MEX3B: variants seen among roughly 807,000 people sequenced by gnomAD.
MEX3B encodes the protein RNA-binding protein MEX3B.
Under a neutral mutation model 12.2 loss-of-function variants are expected in MEX3B, and 10 were observed. That is an observed-to-expected ratio of 0.82 (90% CI 0.51 to 1.40). The LOEUF (loss-of-function observed/expected upper bound fraction) is 1.40, where lower values mean the gene tolerates loss of function less well. Among genes scored for constraint, MEX3B ranks in the 40% most tolerant of loss-of-function variants. The pLI, the probability that MEX3B is intolerant of heterozygous loss-of-function variation, is 0.00. For missense variants in MEX3B, 839 were observed against 801.4 expected (o/e 1.05, Z -0.57); for synonymous variants, 498 against 356.3 (o/e 1.40, Z -4.48).
At chr15:82,045,008 G>T in intron 1 of MEX3B, 1 of 586,500 alleles carries the variant, frequency 1.7e-6, no homozygotes, top group South Asian at 2.1e-5. Flanking sequence ...TGGTCGACTG[G>T]GGGTAGGGGG....
chr15:82,045,099 C>T, intron 1 of MEX3B: 4 of 600,346 alleles, frequency 6.7e-6, no homozygotes, highest in Non-Finnish European at 1.2e-5. Context: ...TCCTCCCATC[C>T]TATGCTCACT....
Position 82,043,413 on chromosome 15 carries a change from T to C in MEX3B, c.1457A>G (p.Gln486Arg). Residue 486 changes from glutamine (Q) to arginine (R), a missense_variant, in exon 2 of 2, where the codon CAG becomes CGG. By Grantham distance (43) the Gln-to-Arg change is conservative (BLOSUM62 1). Coordinates refer to ENST00000329713, the MANE Select transcript of MEX3B (RefSeq NM_032246.6). ...GGAGGAGCCCGACGTGTCCGACGGC[T>C]GCAAGCCAGGCAGCTGTGCCCCCAG... ...NGLGAQLPGL[Q>R]PSDTSGSSSS... 6.3e-7 allele frequency: 1 copy of C among 1,576,630 alleles called. No homozygotes were observed. The highest frequency in any genetic ancestry group is 8.6e-7 in the Non-Finnish European group (1 of 1,161,290).
rs1338981371 is a variant in MEX3B at position 82,044,972 on chromosome 15, C to G, written c.257-359G>C. 2 of 578,338 alleles carry G rather than the reference C, an allele frequency of 3.5e-6. No homozygotes were observed. Among genetic ancestry groups the G allele is most frequent in the Non-Finnish European group, 6.1e-6 (2 of 325,678 alleles). 35.8% of individuals were successfully genotyped at this position (578,338 alleles called of 1,614,324 possible). ...ACACGGGGAAGGGGCTCGGGGAAGG[C>G]AGCTGAAGTCGCGATGCCTCAGCGC... On this transcript the variant is annotated intron_variant, in intron 1 of 1. Coordinates refer to ENST00000329713, the MANE Select transcript of MEX3B (RefSeq NM_032246.6). The surrounding 1 kb of genome is among the most constrained non-coding windows in gnomAD (Gnocchi z 5.3).
chr15:82,043,066 G>C lies in MEX3B; in HGVS notation c.*94C>G. ...GCCGGGAAGGAGAAGGGAGAGGGGGGGCACCCAGGGAGGCAGGCGAGCGCT... is the reference window on the plus strand; with the variant it reads ...GCCGGGAAGGAGAAGGGAGAGGGGGCGCACCCAGGGAGGCAGGCGAGCGCT... On this transcript the variant is annotated 3_prime_UTR_variant, in exon 2 of 2. Coordinates refer to ENST00000329713, the MANE Select transcript of MEX3B (RefSeq NM_032246.6). 8.6e-7 allele frequency: 1 copy of C among 1,157,294 alleles called. No homozygotes were observed. The highest frequency in any genetic ancestry group is 2.9e-5 in the East Asian group (1 of 34,254). 71.7% of individuals were successfully genotyped at this position (1,157,294 alleles called of 1,614,324 possible).
chr15:82,043,143 A>G lies in MEX3B; in HGVS notation c.*17T>C. ...CCCTTCCCCCAGCACGGTGCGCACT[A>G]GCAGCGCCCGCTGCCTTTAAGAAAA... is the stretch of plus-strand genomic sequence containing the variant. On this transcript the variant is annotated 3_prime_UTR_variant, in exon 2 of 2. Transcript: ENST00000329713. 6.6e-7 allele frequency: 1 copy of G among 1,518,814 alleles called. No individual in the cohort carries two copies. Among genetic ancestry groups the G allele is most frequent in the Middle Eastern group, 1.9e-4 (1 of 5,334 alleles). 94.1% of individuals were successfully genotyped at this position (1,518,814 alleles called of 1,614,324 possible). A position where few individuals can be genotyped will look rare whatever the true frequency, so the allele number is the denominator to read the frequency against.
rs2073244542 is a variant in MEX3B, at chr15:82,044,581, T to C, written c.289A>G (p.Asn97Asp). The change falls in exon 2 of 2, where the codon AAT (asparagine) becomes GAT (aspartate). Residue 97 changes from asparagine (N) to aspartate (D), a missense_variant. Asn to Asp is a conservative substitution (Grantham distance 23). Coordinates refer to ENST00000329713, the MANE Select transcript of MEX3B (RefSeq NM_032246.6). The surrounding 1 kb of genome is among the most constrained non-coding windows in gnomAD (Gnocchi z 5.3). ...CKIKALRAKT[N>D]TYIKTPVRGE... Reference sequence around the variant, plus strand: ...CGAACTGGGGTCTTGATGTAAGTATTGGTCTTCGCCCGCAGCGCTTTGATT... The same window carrying C: ...CGAACTGGGGTCTTGATGTAAGTATCGGTCTTCGCCCGCAGCGCTTTGATT... 6.2e-7 allele frequency: 1 copy of C among 1,614,172 alleles called. No individual in the cohort carries two copies. Among genetic ancestry groups the C allele is most frequent in the Non-Finnish European group, 8.5e-7 (1 of 1,180,026 alleles).
rs2073240662 is a variant in MEX3B at position 82,044,105 on chromosome 15, C to T, written c.765G>A (p.Gly255=). Residue 255 remains glycine, a synonymous_variant, in exon 2 of 2, where the codon GGG becomes GGA. Coordinates refer to ENST00000329713, the MANE Select transcript of MEX3B (RefSeq NM_032246.6). The surrounding 1 kb of genome is among the most constrained non-coding windows in gnomAD (Gnocchi z 5.3). ...GTDVGFDLHH[G]SGGSGPGSLW... The stretch of plus-strand genomic sequence containing the variant: ...GGCTGCCTGGGCCGGACCCGCCGGA[C>T]CCATGATGCAGATCGAAGCCCACAT... 1 of 1,612,860 alleles carries T rather than the reference C, an allele frequency of 6.2e-7. No homozygotes were observed. The highest frequency in any genetic ancestry group is 1.3e-5 in the African/African-American group (1 of 75,036).
At position 82,043,562 on chromosome 15, in the gene MEX3B, G is replaced by A. The variant is rs763183747; in HGVS notation, c.1308C>T (p.Thr436=). The A allele has an allele frequency of 5.8e-6, 9 of 1,545,606 alleles. No homozygotes were observed. The East Asian group carries it at 1.2e-4, about 20-fold the overall frequency. ...LLVHRRLHPG[T]SCPRLSPPLH... ...AGGGTGGAGACAGGCGCGGGCAGCT[G>A]GTGCCAGGGTGCAGCCGGCGGTGCA... The change falls in exon 2 of 2, where the codon ACC becomes ACT. Residue 436 remains threonine (T), a synonymous_variant. Transcript: ENST00000329713.
chr15:82,043,730 G>T lies in MEX3B; in HGVS notation c.1140C>A (p.Phe380Leu). 2 of 1,576,662 alleles carry T rather than the reference G, an allele frequency of 1.3e-6. No individual in the cohort carries two copies. Among genetic ancestry groups the T allele is most frequent in the Non-Finnish European group, 1.7e-6 (2 of 1,163,772 alleles). ...PPGAPLIWAQ[F>L]ERSPGGGPAA... ...CAGGTCCGCCTCCCGGGGACCGCTC[G>T]AACTGGGCCCAGATAAGTGGTGCCC... Residue 380 changes from phenylalanine (F) to leucine (L), a missense_variant, in exon 2 of 2, where the codon TTC becomes TTA. Coordinates refer to ENST00000329713, the MANE Select transcript of MEX3B (RefSeq NM_032246.6).
At position 82,044,042 on chromosome 15, in the gene MEX3B, G is replaced by A; in HGVS notation, c.828C>T (p.Pro276=). ...GGTAGCTAGAGAAAGGCTTGCGGCC[G>A]GGGGTGGGCGTGATGCTGGGGGTGG... ...SKPTPSITPT[P]GRKPFSSYRN... The change falls in exon 2 of 2, where the codon CCC becomes CCT. Residue 276 remains proline (P), a synonymous_variant. Transcript: ENST00000329713. This position sits in a 1 kb window ranked among gnomAD's most constrained non-coding sequence, Gnocchi z 5.3. The A allele has an allele frequency of 3.1e-6, 5 of 1,606,678 alleles. No homozygotes were observed. The highest frequency in any genetic ancestry group is 1.3e-5 in the African/African-American group (1 of 75,010).
At position 82,044,641 on chromosome 15, in the gene MEX3B, T is replaced by C. The variant is rs139503850; in HGVS notation, c.257-28A>G. ...ACGAACCAGGGTGCGGAGGAGGGAG[T>C]GGGAGAGAGAGACAGACACGCCCAT... On this transcript the variant is annotated intron_variant, in intron 1 of 1. Transcript: ENST00000329713. The surrounding 1 kb of genome is among the most constrained non-coding windows in gnomAD (Gnocchi z 5.3). The C allele has an allele frequency of 2.5e-6, 4 of 1,610,430 alleles. No individual in the cohort carries two copies. The highest frequency in any genetic ancestry group is 3.4e-6 in the Non-Finnish European group (4 of 1,177,874).
rs1274925862 is a variant in MEX3B at position 82,045,750 on chromosome 15, G to T, written c.-45C>A. ...CGCCCCCGCCGGCCCTCGGCTCGGC[G>T]GCGAGAAGCTGCGGCCACAAAGGCA... On this transcript the variant is annotated 5_prime_UTR_variant, in exon 1 of 2. Coordinates refer to ENST00000329713, the MANE Select transcript of MEX3B (RefSeq NM_032246.6). 1 of 1,312,478 alleles carries T rather than the reference G, an allele frequency of 7.6e-7. No individual in the cohort carries two copies. Among genetic ancestry groups the T allele is most frequent in the Admixed American group, 4.2e-5 (1 of 23,994 alleles). The allele number at this position is 1,312,478 out of a possible 1,614,324, so 81.3% of individuals were successfully genotyped here.
chr15:82,045,538 G>A lies in MEX3B; in HGVS notation c.168C>T (p.Asp56=), dbSNP rs1285743144. 3 of 1,612,354 alleles carry A rather than the reference G, an allele frequency of 1.9e-6. No individual in the cohort carries two copies. Among genetic ancestry groups the A allele is most frequent in the Admixed American group, 1.7e-5 (1 of 59,974 alleles). ...TCACGCTCTTCTTGCGCGGCTCGCT[G>A]TCGTACAGAGAGGCGCCCTCGTCAC... ...LDSDEGASLY[D]SEPRKKSVNM... is the part of the protein sequence containing the mutation. Residue 56 remains aspartate, a synonymous_variant, in exon 1 of 2, where the codon GAC becomes GAT. Coordinates refer to ENST00000329713, the MANE Select transcript of MEX3B (RefSeq NM_032246.6).
chr15:82,045,306 G>T (rs1043003644), intron 1 of MEX3B, 144 bp downstream of exon 1: 10 of 1,008,412 alleles, frequency 9.9e-6, no homozygotes, highest in Non-Finnish European at 1.4e-5. Flanking sequence ...CTTTGTCTGG[G>T]GCGCCGGCCC....
Position 82,044,781 on chromosome 15 carries a change from G to C in MEX3B, c.257-168C>G. ...CCTCACTGACCTCGGGCCGCGCCAC[G>C]GGCTGGGCAGCGGATCCCACCCGCG... is the stretch of plus-strand genomic sequence containing the variant. On this transcript the variant is annotated intron_variant, in intron 1 of 1. Transcript: ENST00000329713. The surrounding 1 kb of genome is among the most constrained non-coding windows in gnomAD (Gnocchi z 5.3). 1.4e-6 allele frequency: 1 copy of C among 700,910 alleles called. No homozygotes were observed. Among genetic ancestry groups the C allele is most frequent in the South Asian group, 1.8e-5 (1 of 55,462 alleles). The allele number at this position is 700,910 out of a possible 1,614,324, so 43.4% of individuals were successfully genotyped here.
chr15:82,045,459 C>T lies in MEX3B; in HGVS notation c.247G>A (p.Gly83Arg), dbSNP rs1237084503. 1 of 1,611,146 alleles carries T rather than the reference C, an allele frequency of 6.2e-7. No individual in the cohort carries two copies. Among genetic ancestry groups the T allele is most frequent in the African/African-American group, 1.3e-5 (1 of 74,888 alleles). The change falls in exon 1 of 2, where the codon GGG becomes AGG. Residue 83 changes from glycine to arginine, a missense_variant. Physicochemically the swap from Gly to Arg is moderately radical, Grantham distance 125 (BLOSUM62 -2). Coordinates refer to ENST00000329713, the MANE Select transcript of MEX3B (RefSeq NM_032246.6). ...TCCCTCCTCGACCTACCTTGCCGCC[C>T]CACGATCTCGGCGACATGCTCAGAA... is the stretch of plus-strand genomic sequence containing the variant. ...PSSEHVAEIV[G>R]RQGCKIKALR...
Position 82,043,354 on chromosome 15 carries a change from A to AGGATGAAGAGCTGGAGGAGGAGCT in MEX3B, c.1492_1515dup (p.Ser501_Ser508dup). The AGGATGAAGAGCTGGAGGAGGAGCT allele has an allele frequency of 6.3e-7, 1 of 1,592,540 alleles. No homozygotes were observed. Among genetic ancestry groups the AGGATGAAGAGCTGGAGGAGGAGCT allele is most frequent in the Non-Finnish European group, 8.6e-7 (1 of 1,169,342 alleles). Reference sequence around the variant, plus strand: ...CCTTTACGCCGAAGCCCGGAGGAAGAGGATGAAGAGCTGGAGGAGGAGCTG... The same window carrying AGGATGAAGAGCTGGAGGAGGAGCT: ...CCTTTACGCCGAAGCCCGGAGGAAGAGGATGAAGAGCTGGAGGAGGAGCTGGATGAAGAGCTGGAGGAGGAGCTG... On this transcript the variant is annotated inframe_insertion, in exon 2 of 2. Transcript: ENST00000329713.
At position 82,042,612 on chromosome 15, in the gene MEX3B, C is replaced by T. The variant is rs566075022; in HGVS notation, c.*548G>A. Reference sequence around the variant, plus strand: ...TTTAACTTTAATAAAGCTGCAGTATCCTGGTTTCACAGGAACTCCTGGCCC... The same window carrying T: ...TTTAACTTTAATAAAGCTGCAGTATTCTGGTTTCACAGGAACTCCTGGCCC... On this transcript the variant is annotated 3_prime_UTR_variant, in exon 2 of 2. Coordinates refer to ENST00000329713, the MANE Select transcript of MEX3B (RefSeq NM_032246.6). 6.5e-6 allele frequency: 1 copy of T among 152,740 alleles called. No homozygotes were observed. The highest frequency in any genetic ancestry group is 2.1e-4 in the South Asian group (1 of 4,822). 9.5% of individuals were successfully genotyped at this position (152,740 alleles called of 1,614,324 possible).
Position 82,043,565 on chromosome 15 carries a change from G to C in MEX3B, c.1305C>G (p.Gly435=). ...GLLVHRRLHP[G]TSCPRLSPPL... is the part of the protein sequence containing the mutation. ...GTGGAGACAGGCGCGGGCAGCTGGT[G>C]CCAGGGTGCAGCCGGCGGTGCACCA... The change falls in exon 2 of 2, where the codon GGC becomes GGG. Residue 435 remains glycine (G), a synonymous_variant. Coordinates refer to ENST00000329713, the MANE Select transcript of MEX3B (RefSeq NM_032246.6). The C allele has an allele frequency of 6.4e-7, 1 of 1,550,744 alleles. No individual in the cohort carries two copies. The highest frequency in any genetic ancestry group is 8.7e-7 in the Non-Finnish European group (1 of 1,150,884).
Sources: gnomAD v4.1 joint callset for allele counts on GRCh38, gnomAD v4.1.1 for gene constraint, Gnocchi (gnomAD v3.1) non-coding constraint, MANE v1.5 for transcripts, NCBI Gene and HGNC (gene_info 2026-07-23, HGNC 2026-07-21) for gene names.